INVS: variants seen among roughly 807,000 people sequenced by gnomAD.
INVS encodes inversin.
INVS carries 86 observed loss-of-function variants against 108.8 expected under a neutral mutation model. That is an observed-to-expected ratio of 0.79 (90% confidence interval 0.66 to 0.95). The LOEUF (loss-of-function observed/expected upper bound fraction) is 0.95. Among genes scored for constraint, INVS ranks in the 40% least tolerant of loss-of-function variants. INVS has a pLI of 0.00. For synonymous variants in INVS, 455 were observed against 473.5 expected, an observed-to-expected ratio of 0.96 and a Z score of 0.51; for missense variants, 1,169 against 1,297.4, an observed-to-expected ratio of 0.90 and a Z score of 1.52.
chr9:100,203,340 T>C (rs1830584341), intron 3 of INVS, among the ~76,000 whole-genome samples: 1 of 152,162 alleles, frequency 6.6e-6, no homozygotes, highest in Non-Finnish European at 1.5e-5. Context: ...AACTGTAGTC[T>C]CGGGTAACTT....
In INVS at chr9:100,132,780, T is replaced by A. The variant is rs1564126058; in HGVS notation, c.273+6231T>A. The stretch of plus-strand genomic sequence containing the variant: ...TTTGCCTTTGCATATGCCTGGAATT[T>A]TTTTTTTTTAATTATCTTAAGCATA... On this transcript the variant is annotated intron_variant, in intron 3 of 16. Coordinates refer to ENST00000262457, the MANE Select transcript of INVS (RefSeq NM_014425.5). 1.4e-4 allele frequency among the ~76,000 whole-genome samples: 21 copies of A among 150,568 alleles called. No homozygotes were observed. The South Asian group carries it at 4.2e-3, about 30-fold the overall frequency.
intron 5 of INVS, among the ~76,000 whole-genome samples, chr9:100,238,167 C>T (rs1453606625): frequency 6.6e-6 from 1 of 152,134 alleles, no homozygotes; most frequent in Non-Finnish European, 1.5e-5. Flanking sequence ...GCATGAGCCA[C>T]CACCCCCAGC....
chr9:100,288,316 TA>T (rs1324861098), intron 13 of INVS, among the ~76,000 whole-genome samples: 1 of 152,158 alleles, frequency 6.6e-6, no homozygotes, highest in Non-Finnish European at 1.5e-5. Context: ...CTCCTGACTA[TA>T]GGATACTGGG....
intron 3 of INVS, among the ~76,000 whole-genome samples, chr9:100,210,338 C>T (rs997096059): frequency 4.6e-5 from 7 of 152,130 alleles, no homozygotes; most frequent in African/African-American, 1.7e-4. Flanking sequence ...CTTATGGGGA[C>T]AAATTGATTG....
intron 3 of INVS, among the ~76,000 whole-genome samples, chr9:100,193,838 C>T (rs1588079004): frequency 6.6e-6 from 1 of 152,154 alleles, no homozygotes; most frequent in South Asian, 2.1e-4. Context: ...TTCTCAAGCT[C>T]CTGGTCTCAA....
chr9:100,299,789 G>A (rs556488686), intron 16 of INVS, among the ~76,000 whole-genome samples: 2 of 152,258 alleles, frequency 1.3e-5, no homozygotes, highest in South Asian at 4.1e-4. Flanking sequence ...TACAAATCCA[G>A]TTTATTCTTG....
At chr9:100,170,188 G>A (rs1829491572) in intron 3 of INVS, among the ~76,000 whole-genome samples, 1 of 152,132 alleles carries the variant, frequency 6.6e-6, no homozygotes, top group African/African-American at 2.4e-5. Flanking sequence ...CAGATTTCAT[G>A]CAGTTCTTCT....
intron 1 of INVS, among the ~76,000 whole-genome samples, chr9:100,103,748 G>C (rs567296830): frequency 6.6e-6 from 1 of 151,714 alleles, no homozygotes; most frequent in Non-Finnish European, 1.5e-5. Flanking sequence ...ATGAGCTCTC[G>C]CTATATTGCC....
intron 3 of INVS, among the ~76,000 whole-genome samples, chr9:100,207,163 A>G (rs931680498): frequency 2.1e-5 from 3 of 144,182 alleles, no homozygotes; most frequent in Non-Finnish European, 4.5e-5. Flanking sequence ...TTGAAACTAT[A>G]TAAATATCCT....
chr9:100,198,258 G>A (rs1830435355), intron 3 of INVS, among the ~76,000 whole-genome samples: 1 of 126,318 alleles, frequency 7.9e-6, no homozygotes, highest in African/African-American at 3.1e-5. Context: ...AAGATTGAGG[G>A]CTAGAATTTT....
At chr9:100,215,775 C>T (rs1053795172) in intron 3 of INVS, among the ~76,000 whole-genome samples, 1 of 152,132 alleles carries the variant, frequency 6.6e-6, no homozygotes, top group Non-Finnish European at 1.5e-5. Context: ...GGTGGAAAGG[C>T]ACGAGGTGAG....
chr9:100,217,463 G>A (rs774458116), intron 3 of INVS, among the ~76,000 whole-genome samples: 15 of 152,156 alleles, frequency 9.9e-5, no homozygotes, highest in Non-Finnish European at 1.8e-4. Context: ...TCCCATCAGA[G>A]ACGAAAAGCG....
intron 12 of INVS, among the ~76,000 whole-genome samples, chr9:100,282,604 G>A (rs578095145): frequency 7.9e-5 from 12 of 152,288 alleles, no homozygotes; most frequent in Non-Finnish European, 7.4e-5. Context: ...TTCAAATGCC[G>A]TAGTCCATAG....
At chr9:100,134,126 G>A (rs540081489) in intron 3 of INVS, among the ~76,000 whole-genome samples, 70 of 151,998 alleles carry the variant, frequency 4.6e-4, no homozygotes, top group African/African-American at 1.5e-3. Flanking sequence ...AAAGTCCACT[G>A]TATCATTCTT....
At chr9:100,274,843 C>T (rs1486267870) in intron 12 of INVS, among the ~76,000 whole-genome samples, 1 of 152,092 alleles carries the variant, frequency 6.6e-6, no homozygotes, top group Non-Finnish European at 1.5e-5. Flanking sequence ...GGCTGTATCT[C>T]GAATGTTTCT....
chr9:100,302,108 A>G lies in INVS; in HGVS notation c.*1434A>G. The G allele has an allele frequency of 1.2e-6, 1 of 804,418 alleles. No individual in the cohort carries two copies. Among genetic ancestry groups the G allele is most frequent in the South Asian group, 2.9e-5 (1 of 34,132 alleles). 49.8% of individuals were successfully genotyped at this position (804,418 alleles called of 1,614,324 possible). A position where few individuals can be genotyped will look rare whatever the true frequency, so the allele number is the denominator to read the frequency against. On this transcript the variant is annotated 3_prime_UTR_variant, in exon 17 of 17. Transcript: ENST00000262457. ...CTTCTTTAAAAGTTCAGCTTTAATG[A>G]CAAAGATCTATTACATCAGTCTTTT... is the stretch of plus-strand genomic sequence containing the variant.
chr9:100,180,283 G>A (rs769032364), intron 3 of INVS, among the ~76,000 whole-genome samples: 2 of 151,708 alleles, frequency 1.3e-5, no homozygotes, highest in Admixed American at 1.3e-4. Flanking sequence ...TAAGATCAGA[G>A]CAGAACTAAA....
intron 3 of INVS, among the ~76,000 whole-genome samples, chr9:100,172,394 G>A (rs556628690): frequency 4.7e-4 from 72 of 152,200 alleles, no homozygotes; most frequent in African/African-American, 1.6e-3. Flanking sequence ...GTCAGAATTC[G>A]TTCTGGATAC....
chr9:100,104,518 G>T lies in INVS; in HGVS notation c.-4G>T. 1 of 1,609,676 alleles carries T rather than the reference G, an allele frequency of 6.2e-7. No homozygotes were observed. The highest frequency in any genetic ancestry group is 2.2e-5 in the East Asian group (1 of 44,878). On this transcript the variant is annotated 5_prime_UTR_variant, in exon 2 of 17. Transcript: ENST00000262457. ...TTCAGGTTGCTCCGGTTGCTAAGAA[G>T]ACTATGAACAAGTCAGAGAACCTGC...
Sources: allele counts gnomAD v4.1 joint callset (sites outside exome capture counted in the v4.1 genomes callset), GRCh38; gene constraint gnomAD v4.1.1; transcripts MANE v1.5; gene names NCBI Gene and HGNC (gene_info 2026-07-23, HGNC 2026-07-21).